LRFN2: variants seen among roughly 807,000 people sequenced by gnomAD.
LRFN2 encodes leucine-rich repeat and fibronectin type-III domain-containing protein 2.
A neutral mutation model predicts 37.3 loss-of-function variants in LRFN2; 18 were observed. The ratio of observed to expected loss-of-function variants is 0.48; its 90% CI spans 0.33 to 0.72. LRFN2 has a LOEUF of 0.72. Among genes scored for constraint, LRFN2 ranks in the 30% least tolerant of loss-of-function variants. LRFN2 has a pLI of 0.02. For missense variants in LRFN2, 1,006 were observed against 1,060.7 expected, an observed-to-expected ratio of 0.95 and a Z score of 0.72; for synonymous variants, 556 against 466.6, an observed-to-expected ratio of 1.19 and a Z score of -2.47.
intron 1 of LRFN2, among the ~76,000 whole-genome samples, chr6:40,483,653 G>C (rs114099670): frequency 2.6e-5 from 4 of 152,102 alleles, no homozygotes; most frequent in Admixed American, 2.6e-4. Flanking sequence ...TTTATCTCTA[G>C]GGAAACAAAG....
chr6:40,465,229 C>T (rs894828695), intron 1 of LRFN2, among the ~76,000 whole-genome samples: 1 of 152,118 alleles, frequency 6.6e-6, no homozygotes, highest in East Asian at 1.9e-4. Flanking sequence ...CCCTAGAGCC[C>T]CCTGAAAGGA....
intron 2 of LRFN2, among the ~76,000 whole-genome samples, chr6:40,427,059 C>T (rs1763369905): frequency 6.6e-6 from 1 of 152,342 alleles, no homozygotes; most frequent in Non-Finnish European, 1.5e-5. Flanking sequence ...GCCAGATTTT[C>T]CTTACCTTGA....
At chr6:40,485,486 T>A (rs1405282540) in intron 1 of LRFN2, among the ~76,000 whole-genome samples, 1 of 152,196 alleles carries the variant, frequency 6.6e-6, no homozygotes, top group Non-Finnish European at 1.5e-5. Context: ...ACTCAATATG[T>A]TTGCTGTCTG....
At chr6:40,510,129 G>T (rs1380794655) in intron 1 of LRFN2, among the ~76,000 whole-genome samples, 1 of 151,714 alleles carries the variant, frequency 6.6e-6, no homozygotes, top group East Asian at 1.9e-4. Flanking sequence ...GTGCATGCGG[G>T]TATGCTAGGG....
chr6:40,541,110 C>T (rs996756241), intron 1 of LRFN2, among the ~76,000 whole-genome samples: 8 of 152,174 alleles, frequency 5.3e-5, no homozygotes, highest in African/African-American at 1.9e-4. Context: ...CGCAGCATCC[C>T]ACATCACTGG....
At chr6:40,555,469 C>T (rs1240829211) in intron 1 of LRFN2, among the ~76,000 whole-genome samples, 4 of 152,192 alleles carry the variant, frequency 2.6e-5, no homozygotes, top group African/African-American at 4.8e-5. Flanking sequence ...GTGGCAGCTA[C>T]GGATGGGCTG....
At chr6:40,566,499 G>A (rs1327377699) in intron 1 of LRFN2, among the ~76,000 whole-genome samples, 2 of 152,076 alleles carry the variant, frequency 1.3e-5, no homozygotes, top group Admixed American at 6.6e-5. Context: ...GTCCAACAAT[G>A]ATAGACTGGA....
intron 2 of LRFN2, among the ~76,000 whole-genome samples, chr6:40,400,022 G>A (rs1303327099): frequency 6.6e-6 from 1 of 151,688 alleles, no homozygotes; most frequent in Non-Finnish European, 1.5e-5. Context: ...CTCTTCCTTA[G>A]CATCATATCT....
At chr6:40,422,994 G>C (rs1763264256) in intron 2 of LRFN2, among the ~76,000 whole-genome samples, 1 of 152,220 alleles carries the variant, frequency 6.6e-6, no homozygotes, top group Non-Finnish European at 1.5e-5. Context: ...GGAGAAATTA[G>C]TCACCTCTGA....
At chr6:40,504,344 A>T (rs1581757371) in intron 1 of LRFN2, among the ~76,000 whole-genome samples, 1 of 152,192 alleles carries the variant, frequency 6.6e-6, no homozygotes, top group Admixed American at 6.5e-5. Context: ...TCATCTGTAA[A>T]TTGGAATAAT....
At chr6:40,538,199 G>A (rs187564124) in intron 1 of LRFN2, among the ~76,000 whole-genome samples, 1 of 152,326 alleles carries the variant, frequency 6.6e-6, no homozygotes, top group African/African-American at 2.4e-5. Context: ...ACACTGTGGG[G>A]AGGGGCAGGA....
intron 2 of LRFN2, among the ~76,000 whole-genome samples, chr6:40,420,553 T>C (rs1213036115): frequency 1.3e-5 from 2 of 152,204 alleles, no homozygotes; most frequent in Non-Finnish European, 2.9e-5. Context: ...CAAGAAATGC[T>C]CACAGCAGCG....
At chr6:40,478,990 T>C (rs1202523362) in intron 1 of LRFN2, among the ~76,000 whole-genome samples, 1 of 152,186 alleles carries the variant, frequency 6.6e-6, no homozygotes, top group East Asian at 1.9e-4. Context: ...TCTGAGGAGT[T>C]GGTATAGGCA....
At chr6:40,397,815 A>C (rs535025004) in intron 2 of LRFN2, among the ~76,000 whole-genome samples, 14 of 147,392 alleles carry the variant, frequency 9.5e-5, no homozygotes, top group Admixed American at 8.0e-4. Flanking sequence ...CCTCATCCCC[A>C]GGAGAGAGAA....
chr6:40,400,421 C>CTTTT (rs34460828), intron 2 of LRFN2, among the ~76,000 whole-genome samples: 5 of 128,680 alleles, frequency 3.9e-5, no homozygotes, highest in Admixed American at 8.2e-5. Flanking sequence ...GGTACTTTTC[C>CTTTT]TTTTTTTTTT....
chr6:40,519,162 T>A lies in LRFN2; in HGVS notation c.-19+67779A>T, dbSNP rs1765974034. Among the ~76,000 whole-genome samples, 3 of 152,162 alleles carry A rather than the reference T, an allele frequency of 2.0e-5. No individual in the cohort carries two copies. In the South Asian group the frequency reaches 6.2e-4, roughly 32 times the overall value. ...ATTATCAGTTTTGTTCACAGCTGTG[T>A]TTTCAGTTTAGAACAGTGTCCAACA... On this transcript the variant is annotated intron_variant, in intron 1 of 2. Transcript: ENST00000338305.
chr6:40,411,875 G>A (rs1762976136), intron 2 of LRFN2, among the ~76,000 whole-genome samples: 1 of 152,098 alleles, frequency 6.6e-6, no homozygotes, highest in Admixed American at 6.5e-5. Flanking sequence ...CATTTGTGGT[G>A]CCTGTTGCCC....
intron 2 of LRFN2, among the ~76,000 whole-genome samples, chr6:40,397,517 C>T (rs1442582473): frequency 6.6e-6 from 1 of 152,176 alleles, no homozygotes; most frequent in Non-Finnish European, 1.5e-5. Context: ...CTATGGTCTA[C>T]AAGAGACAGT....
At chr6:40,485,862 G>A (rs1370941295) in intron 1 of LRFN2, among the ~76,000 whole-genome samples, 2 of 152,162 alleles carry the variant, frequency 1.3e-5, no homozygotes, top group Non-Finnish European at 2.9e-5. Flanking sequence ...TTTGGGAGGT[G>A]GACTTTGAAA....
Sources: allele counts gnomAD v4.1 joint callset (sites outside exome capture counted in the v4.1 genomes callset), GRCh38; gene constraint gnomAD v4.1.1; transcripts MANE v1.5; gene names NCBI Gene and HGNC (gene_info 2026-07-23, HGNC 2026-07-21).